The following ITGA2 variants were observed in gnomAD, a reference collection of about 807,000 sequenced individuals.
The protein encoded by ITGA2 is integrin subunit alpha 2, also known as integrin alpha-2.
ITGA2 carries 101 observed loss-of-function variants against 146.3 expected under a neutral mutation model. The observed-to-expected ratio is 0.69, with a 90% confidence interval of 0.59 to 0.81. The LOEUF is 0.81. ITGA2 is among the 40% of genes least tolerant of loss of function. The probability of loss-of-function intolerance (pLI) is 0.00; values close to 1 mark genes in which losing one functional copy is unlikely to be tolerated. For missense variants in ITGA2, 1,281 were observed against 1,402.7 expected, an observed-to-expected ratio of 0.91 and a Z score of 1.39; for synonymous variants, 477 against 487.1, an observed-to-expected ratio of 0.98 and a Z score of 0.27.
intron 16 of ITGA2, among the ~76,000 whole-genome samples, chr5:53,069,828 C>T (rs1030723086): frequency 6.6e-6 from 1 of 151,828 alleles, no homozygotes; most frequent in Non-Finnish European, 1.5e-5. Flanking sequence ...AGGTTCATCA[C>T]AGTAGGTTTC....
At chr5:53,065,776 A>T in intron 14 of ITGA2, 65 bp from the exon 15 acceptor site, 2 of 1,605,830 alleles carry the variant, frequency 1.2e-6, no homozygotes, top group Non-Finnish European at 1.7e-6. Flanking sequence ...AATGAAATTC[A>T]GAGGCTGCCA....
In ITGA2 at chr5:53,081,577, G is replaced by A; in HGVS notation, c.3040-15G>A. On this transcript the variant is annotated splice_polypyrimidine_tract_variant and intron_variant, in intron 25 of 29. Transcript: ENST00000296585. ...TTTTGCTTCTGAAGTCTGATCGGGT[G>A]TTCTTCTTTTATAGGCTGGTGACAT... 6.3e-7 allele frequency: 1 copy of A among 1,585,410 alleles called. No homozygotes were observed. The highest frequency in any genetic ancestry group is 8.7e-7 in the Non-Finnish European group (1 of 1,155,890).
chr5:53,048,499 G>T, intron 5 of ITGA2, 22 bp downstream of exon 5: 1 of 1,611,522 alleles, frequency 6.2e-7, no homozygotes, highest in African/African-American at 1.3e-5. Context: ...ATGTGCAGAT[G>T]GTCTGAGCAA....
chr5:53,090,463 G>GT, intron 29 of ITGA2, 56 bp from the exon 30 acceptor site: 1 of 1,490,816 alleles, frequency 6.7e-7, no homozygotes, highest in South Asian at 1.1e-5. Flanking sequence ...GGGGGTCAGA[G>GT]GCACCTTACA....
rs917161214 is a variant in ITGA2 at position 53,060,146 on chromosome 5, T to C, written c.1312+134T>C. The stretch of plus-strand genomic sequence containing the variant: ...TTATCATATTTATTACACATACATA[T>C]GTTGTCTCTTTGCCAATCGGGCCTT... On this transcript the variant is annotated intron_variant, in intron 11 of 29. Coordinates refer to ENST00000296585, the MANE Select transcript of ITGA2 (RefSeq NM_002203.4). 7.6e-5 allele frequency: 71 copies of C among 933,298 alleles called. No individual in the cohort carries two copies. The African/African-American group carries it at 1.1e-3, about 15-fold the overall frequency. 57.8% of individuals were successfully genotyped at this position (933,298 alleles called of 1,614,324 possible).
intron 25 of ITGA2, 52 bp downstream of exon 25, chr5:53,080,673 C>T (rs758875834): frequency 3.9e-6 from 5 of 1,271,840 alleles, no homozygotes; most frequent in Non-Finnish European, 5.8e-6. Flanking sequence ...TGTAAATAAC[C>T]CATGAGATTA....
chr5:53,004,764 G>A (rs1382738604), intron 1 of ITGA2, among the ~76,000 whole-genome samples: 1 of 151,998 alleles, frequency 6.6e-6, no homozygotes, highest in Non-Finnish European at 1.5e-5. Flanking sequence ...GGGTCCTTTT[G>A]TGCTTTTGGT....
chr5:53,039,308 A>G (rs1743659606), intron 2 of ITGA2, among the ~76,000 whole-genome samples: 1 of 138,892 alleles, frequency 7.2e-6, no homozygotes, highest in East Asian at 2.1e-4. Flanking sequence ...CTTTTGTTTG[A>G]GAAAAAAAAT....
rs1318563018 is a variant in ITGA2 at position 53,094,033 on chromosome 5, TTA to T, written c.*3437_*3438del. On this transcript the variant is annotated 3_prime_UTR_variant, in exon 30 of 30. Transcript: ENST00000296585. ...ACACAAGTGATTATACTAAAAATTA[TTA>T]TAAAGGTTATAATTTTATAATGTAT... 16 of 152,624 alleles carry T rather than the reference TTA, an allele frequency of 1.0e-4. No individual in the cohort carries two copies. Among genetic ancestry groups the T allele is most frequent in the African/African-American group, 3.9e-4 (16 of 41,454 alleles). The allele number at this position is 152,624 out of a possible 1,614,324, so 9.5% of individuals were successfully genotyped here. A position where few individuals can be genotyped will look rare whatever the true frequency, so the allele number is the denominator to read the frequency against.
intron 1 of ITGA2, among the ~76,000 whole-genome samples, chr5:52,996,072 G>A (rs911728608): frequency 3.3e-5 from 5 of 152,170 alleles, no homozygotes. Context: ...AGCGGCCAGA[G>A]GAGTAATGGA....
At chr5:53,036,756 C>A (rs902566723) in intron 2 of ITGA2, among the ~76,000 whole-genome samples, 3 of 151,910 alleles carry the variant, frequency 2.0e-5, no homozygotes, top group Non-Finnish European at 4.4e-5. Flanking sequence ...AGGCTAGAAA[C>A]TTTTTTACTG....
Position 53,067,277 on chromosome 5 carries a change from T to C in ITGA2, c.2083+20T>C, listed in dbSNP as rs1561139285. On this transcript the variant is annotated intron_variant, in intron 16 of 29. Coordinates refer to ENST00000296585, the MANE Select transcript of ITGA2 (RefSeq NM_002203.4). ...AAGTGGGTGCGTAGATCTGAAATAA[T>C]CTGTATAGAAATTGGTTGGCTTACA... 6 of 1,610,690 alleles carry C rather than the reference T, an allele frequency of 3.7e-6. No homozygotes were observed. The Admixed American group carries it at 8.4e-5, about 22-fold the overall frequency.
intron 3 of ITGA2, among the ~76,000 whole-genome samples, chr5:53,044,782 C>G (rs1411404618): frequency 3.3e-5 from 5 of 152,190 alleles, no homozygotes; most frequent in Admixed American, 2.6e-4. Context: ...GAGCCCACTC[C>G]TTACTGTCTT....
chr5:53,061,879 C>T (rs997351182), intron 12 of ITGA2, among the ~76,000 whole-genome samples: 6 of 151,982 alleles, frequency 3.9e-5, no homozygotes, highest in East Asian at 1.9e-4. Flanking sequence ...TAAGAAGACC[C>T]GAGTTCTTGA....
At chr5:53,023,046 G>C (rs925350800) in intron 1 of ITGA2, among the ~76,000 whole-genome samples, 1 of 152,158 alleles carries the variant, frequency 6.6e-6, no homozygotes, top group Admixed American at 6.5e-5. Context: ...CTGTCAACAC[G>C]TGTCTGACAA....
At chr5:53,070,674 T>C (rs7733417) in intron 17 of ITGA2, among the ~76,000 whole-genome samples, 168 of 152,050 alleles carry the variant, frequency 1.1e-3, no homozygotes, top group African/African-American at 3.5e-3. Flanking sequence ...TAAGTTAACA[T>C]AGATGAAATA....
chr5:53,020,807 G>A (rs906827125), intron 1 of ITGA2, among the ~76,000 whole-genome samples: 4 of 150,886 alleles, frequency 2.7e-5, no homozygotes, highest in Admixed American at 6.6e-5. Flanking sequence ...TCAGCCTCCC[G>A]AGTAGCTGGG....
chr5:53,089,230 C>T (rs10051483), intron 28 of ITGA2: 16,938 of 152,142 alleles, frequency 0.11, 1,151 homozygotes, highest in African/African-American at 0.18. Context: ...CTTCTAAATA[C>T]AGCTCTTTAG....
At chr5:53,059,833 G>A (rs1278300192) in intron 10 of ITGA2, 41 bp from the exon 11 acceptor site, 2 of 1,597,796 alleles carry the variant, frequency 1.3e-6, no homozygotes, top group Non-Finnish European at 1.7e-6. Context: ...ATGTTTTAAA[G>A]GTGATTTGTT....
Sources: gnomAD v4.1 joint callset for allele counts (sites outside exome capture counted in the v4.1 genomes callset) on GRCh38, gnomAD v4.1.1 for gene constraint, MANE v1.5 for transcripts, NCBI Gene and HGNC (gene_info 2026-07-23, HGNC 2026-07-21) for gene names.